Variants in FGF20 observed in about 807,000 individuals in gnomAD.
The protein encoded by FGF20 is fibroblast growth factor 20.
FGF20 carries 8 observed loss-of-function variants against 16.7 expected under a neutral mutation model. That is an observed-to-expected ratio of 0.48 (90% CI 0.28 to 0.87). The LOEUF (loss-of-function observed/expected upper bound fraction) is 0.87. Ranked by LOEUF, FGF20 falls within the 40% of genes least tolerant of loss-of-function variation. The pLI, the probability that FGF20 is intolerant of heterozygous loss-of-function variation, is 0.10. For synonymous variants in FGF20, 161 were observed against 118.6 expected (o/e 1.36, Z -2.32); for missense variants, 397 against 281.4 (o/e 1.41, Z -2.94).
Position 16,995,772 on chromosome 8 carries a change from C to A in FGF20, c.287-14G>T. On this transcript the variant is annotated splice_polypyrimidine_tract_variant and intron_variant, in intron 1 of 2. Transcript: ENST00000180166. ...ATTCCAAGATACCTGCATATGTAAA[C>A]AATTCATAAAAACACCATGTTTTGT... 1 of 1,447,260 alleles carries A rather than the reference C, an allele frequency of 6.9e-7. No homozygotes were observed. The highest frequency in any genetic ancestry group is 9.6e-7 in the Non-Finnish European group (1 of 1,039,748). The allele number at this position is 1,447,260 out of a possible 1,614,324, so 89.7% of individuals were successfully genotyped here.
At chr8:17,001,078 C>T (rs13267997) in intron 1 of FGF20, among the ~76,000 whole-genome samples, 2 of 144,856 alleles carry the variant, frequency 1.4e-5, no homozygotes, top group African/African-American at 5.3e-5. Flanking sequence ...TTCTCACCCA[C>T]ATAGAACTTA....
intron 1 of FGF20, among the ~76,000 whole-genome samples, chr8:16,999,703 T>TG (rs1375289682): frequency 4.8e-5 from 7 of 146,768 alleles, no homozygotes; most frequent in African/African-American, 1.8e-4. Flanking sequence ...TTTTTTTTTT[T>TG]TGTATTTTTT....
intron 1 of FGF20, among the ~76,000 whole-genome samples, chr8:16,998,521 GA>G (rs1810107972): frequency 6.6e-6 from 1 of 152,144 alleles, no homozygotes; most frequent in Non-Finnish European, 1.5e-5. Flanking sequence ...GAGTAGACAT[GA>G]AAAACTTTCC....
At chr8:17,001,250 A>C (rs967238823) in intron 1 of FGF20, among the ~76,000 whole-genome samples, 2 of 152,204 alleles carry the variant, frequency 1.3e-5, no homozygotes, top group Non-Finnish European at 2.9e-5. Flanking sequence ...AATCAGCTGC[A>C]TAACTGTGGG....
rs1429266748 is a variant in FGF20, at chr8:16,993,287, C to G, written c.421G>C (p.Glu141Gln). 1.9e-6 allele frequency: 3 copies of G among 1,612,332 alleles called. No homozygotes were observed. Among genetic ancestry groups the G allele is most frequent in the Admixed American group, 1.7e-5 (1 of 59,842 alleles). ...EKLTSECIFREQFEENWYNTY... is the reference protein window; with the variant it reads ...EKLTSECIFRQQFEENWYNTY... ...TTATACCAGTTCTCTTCAAACTGCT[C>G]CCTAAAGATGCATTCGGAAGTAAGT... is the stretch of plus-strand genomic sequence containing the variant. Residue 141 changes from glutamate (E) to glutamine (Q), a missense_variant, in exon 3 of 3, where the codon GAG (glutamate) becomes CAG (glutamine). By Grantham distance (29) the Glu-to-Gln change is conservative (BLOSUM62 2). Coordinates refer to ENST00000180166, the MANE Select transcript of FGF20 (RefSeq NM_019851.3).
intron 1 of FGF20, among the ~76,000 whole-genome samples, chr8:16,996,167 T>C (rs1376097154): frequency 6.6e-6 from 1 of 152,138 alleles, no homozygotes; most frequent in Non-Finnish European, 1.5e-5. Flanking sequence ...CTCTCTTGCT[T>C]TGCTTAGTTG....
intron 1 of FGF20, among the ~76,000 whole-genome samples, chr8:16,999,575 T>C (rs1191880683): frequency 7.3e-6 from 1 of 136,126 alleles, no homozygotes; most frequent in Non-Finnish European, 1.5e-5. Context: ...AAGGCTGGAG[T>C]GCAGTGGTGT....
intron 1 of FGF20, among the ~76,000 whole-genome samples, chr8:16,996,952 A>G (rs1194187664): frequency 1.3e-5 from 2 of 152,236 alleles, no homozygotes; most frequent in African/African-American, 4.8e-5. Context: ...ATAACATGCT[A>G]TGTTTCCTGC....
At position 17,002,288 on chromosome 8, in the gene FGF20, T is replaced by C; in HGVS notation, c.-256A>G. On this transcript the variant is annotated 5_prime_UTR_variant, in exon 1 of 3. Coordinates refer to ENST00000180166, the MANE Select transcript of FGF20 (RefSeq NM_019851.3). ...AAATATCTATAGCTGCCGCTGCCAATACTAGGACTAGGGCTGTTGGCTGGG... is the reference window on the plus strand; with the variant it reads ...AAATATCTATAGCTGCCGCTGCCAACACTAGGACTAGGGCTGTTGGCTGGG... The C allele has an allele frequency of 2.4e-6, 1 of 418,352 alleles. No individual in the cohort carries two copies. Among genetic ancestry groups the C allele is most frequent in the Non-Finnish European group, 4.2e-6 (1 of 240,676 alleles). 25.9% of individuals were successfully genotyped at this position (418,352 alleles called of 1,614,324 possible).
rs1336185318 is a variant in FGF20 at position 16,993,282 on chromosome 8, C to G, written c.426G>C (p.Gln142His). 1 of 1,613,788 alleles carries G rather than the reference C, an allele frequency of 6.2e-7. No homozygotes were observed. Residue 142 changes from glutamine (Q) to histidine (H), a missense_variant, in exon 3 of 3, where the codon CAG becomes CAC. Transcript: ENST00000180166. ...AGGTGTTATACCAGTTCTCTTCAAA[C>G]TGCTCCCTAAAGATGCATTCGGAAG... ...KLTSECIFRE[Q>H]FEENWYNTYS...
Position 17,001,979 on chromosome 8 carries a change from G to T in FGF20, c.54C>A (p.Gly18=). 2 of 1,516,992 alleles carry T rather than the reference G, an allele frequency of 1.3e-6. No individual in the cohort carries two copies. Among genetic ancestry groups the T allele is most frequent in the Non-Finnish European group, 1.8e-6 (2 of 1,132,992 alleles). 94.0% of individuals were successfully genotyped at this position (1,516,992 alleles called of 1,614,324 possible). The part of the protein sequence containing the change: ...GGFLGGLEGL[G]QQVGSHFLLP... ...ACAGGAAATGCGAACCCACCTGCTG[G>T]CCCAAGCCCTCCAGGCCGCCCAGAA... Residue 18 remains glycine (G), a synonymous_variant, in exon 1 of 3, where the codon GGC becomes GGA. Coordinates refer to ENST00000180166, the MANE Select transcript of FGF20 (RefSeq NM_019851.3).
rs1006040234 is a variant in FGF20, at chr8:16,992,336, T to C, written c.*736A>G. 1.3e-5 allele frequency: 2 copies of C among 152,060 alleles called. No homozygotes were observed. The highest frequency in any genetic ancestry group is 2.9e-5 in the Non-Finnish European group (2 of 67,990). The allele number at this position is 152,060 out of a possible 1,614,324, so 9.4% of individuals were successfully genotyped here. A position where few individuals can be genotyped will look rare whatever the true frequency, so the allele number is the denominator to read the frequency against. On this transcript the variant is annotated 3_prime_UTR_variant, in exon 3 of 3. Coordinates refer to ENST00000180166, the MANE Select transcript of FGF20 (RefSeq NM_019851.3). ...CTATATTTTAAAAAGAAATTCAAAA[T>C]CTGATTCTATGGTTAAGGTGGTATA...
At chr8:16,996,434 T>C (rs536061974) in intron 1 of FGF20, among the ~76,000 whole-genome samples, 16 of 152,278 alleles carry the variant, frequency 1.1e-4, no homozygotes, top group East Asian at 3.9e-4. Context: ...CCTCCTCATA[T>C]GCAAAATGGA....
intron 1 of FGF20, among the ~76,000 whole-genome samples, chr8:16,997,073 C>G (rs555178132): frequency 6.6e-6 from 1 of 152,282 alleles, no homozygotes; most frequent in East Asian, 1.9e-4. Context: ...GATTTACTAT[C>G]AATAACTTTC....
At chr8:17,001,146 A>C (rs1176908352) in intron 1 of FGF20, among the ~76,000 whole-genome samples, 3 of 151,206 alleles carry the variant, frequency 2.0e-5, no homozygotes, top group Non-Finnish European at 4.4e-5. Flanking sequence ...GCCCACGGAA[A>C]GTTAATCTGC....
intron 1 of FGF20, among the ~76,000 whole-genome samples, chr8:17,000,361 T>C (rs1810153237): frequency 6.6e-6 from 1 of 152,114 alleles, no homozygotes; most frequent in African/African-American, 2.4e-5. Flanking sequence ...TTTCTACATC[T>C]AGAGTTACAA....
chr8:16,994,151 C>T (rs1229701818), intron 2 of FGF20, among the ~76,000 whole-genome samples: 6 of 152,120 alleles, frequency 3.9e-5, no homozygotes, highest in African/African-American at 7.2e-5. Context: ...ACCCTACTCC[C>T]GCCATCACTA....
At chr8:16,996,061 C>T (rs1185959953) in intron 1 of FGF20, among the ~76,000 whole-genome samples, 1 of 152,104 alleles carries the variant, frequency 6.6e-6, no homozygotes, top group African/African-American at 2.4e-5. Flanking sequence ...AAGTTGACAC[C>T]CTTTGCAGCG....
chr8:16,996,410 T>C (rs1385464645), intron 1 of FGF20, among the ~76,000 whole-genome samples: 2 of 152,146 alleles, frequency 1.3e-5, no homozygotes, highest in Non-Finnish European at 2.9e-5. Context: ...TCATTTGTCT[T>C]CTTTGAACTT....
Sources: gnomAD v4.1 joint callset for allele counts (sites outside exome capture counted in the v4.1 genomes callset) on GRCh38, gnomAD v4.1.1 for gene constraint, MANE v1.5 for transcripts, NCBI Gene and HGNC (gene_info 2026-07-23, HGNC 2026-07-21) for gene names.